The following RBFOX1 variants were observed in gnomAD, a reference collection of about 807,000 sequenced individuals.
RBFOX1 encodes the protein RNA binding protein fox-1 homolog 1.
RBFOX1 carries 8 observed loss-of-function variants against 57.7 expected under a neutral mutation model. The observed-to-expected ratio is 0.14, with a 90% CI of 0.08 to 0.25. The LOEUF (loss-of-function observed/expected upper bound fraction) is 0.25, where lower values mean the gene tolerates loss of function less well. Among genes scored for constraint, RBFOX1 ranks in the 10% least tolerant of loss-of-function variants. RBFOX1 has a pLI of 1.00. For synonymous variants in RBFOX1, 326 were observed against 222.4 expected (o/e 1.47, Z -4.15); for missense variants, 611 against 548.5 (o/e 1.11, Z -1.14).
intron 1 of RBFOX1, among the ~76,000 whole-genome samples, chr16:6,274,626 G>A (rs1427177254): frequency 2.0e-5 from 3 of 152,112 alleles, no homozygotes; most frequent in Admixed American, 6.5e-5. Flanking sequence ...CTGTATTAGC[G>A]CTATCATCAC....
intron 1 of RBFOX1, among the ~76,000 whole-genome samples, chr16:6,138,211 C>T (rs577012608): frequency 6.6e-6 from 1 of 152,168 alleles, no homozygotes; most frequent in Non-Finnish European, 1.5e-5. Context: ...GGGCCCCTGC[C>T]CAGCCACACC....
chr16:5,800,222 G>C (rs993326348), intron 3 of RBFOX1, among the ~76,000 whole-genome samples: 2 of 152,158 alleles, frequency 1.3e-5, no homozygotes, highest in African/African-American at 4.8e-5. Flanking sequence ...AGGGCCACAG[G>C]TGATGCTCTG....
At chr16:5,489,822 A>T (rs1179241590) in intron 2 of RBFOX1, among the ~76,000 whole-genome samples, 1 of 152,148 alleles carries the variant, frequency 6.6e-6, no homozygotes, top group Non-Finnish European at 1.5e-5. Context: ...CAGGGCTAGG[A>T]TGTGCATCTC....
At position 7,357,043 on chromosome 16, in the gene RBFOX1, G is replaced by T. The variant is rs574581131; in HGVS notation, c.28-161104G>T. On this transcript the variant is annotated intron_variant, in intron 4 of 15. Coordinates refer to ENST00000550418, the MANE Select transcript of RBFOX1 (RefSeq NM_018723.4). ...AAAGCTTTTGGGCTCAGGAATCCAG[G>T]GATCTATCTGCCTTGGAACATTCTG... Among the ~76,000 whole-genome samples the T allele has an allele frequency of 3.3e-5, 5 of 152,200 alleles. 2 individuals are homozygous for T. Among genetic ancestry groups the T allele is most frequent in the African/African-American group, 1.2e-4 (5 of 41,526 alleles).
At chr16:5,690,541 C>A (rs1272462241) in intron 3 of RBFOX1, among the ~76,000 whole-genome samples, 2 of 150,240 alleles carry the variant, frequency 1.3e-5, no homozygotes, top group Non-Finnish European at 3.0e-5. Context: ...ACAACACTCA[C>A]TTCTGTTGTG....
chr16:6,105,892 A>C (rs1227798808), intron 1 of RBFOX1, among the ~76,000 whole-genome samples: 1 of 152,076 alleles, frequency 6.6e-6, no homozygotes, highest in Non-Finnish European at 1.5e-5. Context: ...CATGTCATTA[A>C]ATATTCTTCA....
chr16:7,520,086 T>G (rs1335604741), intron 5 of RBFOX1, among the ~76,000 whole-genome samples: 1 of 152,094 alleles, frequency 6.6e-6, no homozygotes, highest in Non-Finnish European at 1.5e-5. Flanking sequence ...GGGATTTCAC[T>G]GTGTTATCCA....
At chr16:6,537,426 T>C (rs1008981503) in intron 2 of RBFOX1, among the ~76,000 whole-genome samples, 5 of 152,174 alleles carry the variant, frequency 3.3e-5, no homozygotes, top group African/African-American at 1.2e-4. Context: ...GAGCCATGCG[T>C]GTATTATTTA....
chr16:5,721,871 A>T (rs1045725023), intron 3 of RBFOX1, among the ~76,000 whole-genome samples: 5 of 152,250 alleles, frequency 3.3e-5, no homozygotes, highest in Non-Finnish European at 5.9e-5. Context: ...ACAGAGGACC[A>T]AGCACAAGAT....
At chr16:6,818,637 G>A (rs577641441) in intron 3 of RBFOX1, among the ~76,000 whole-genome samples, 2 of 152,210 alleles carry the variant, frequency 1.3e-5, no homozygotes, top group African/African-American at 4.8e-5. Flanking sequence ...GTGATGAATA[G>A]CTGCTATTAT....
chr16:7,600,990 G>T (rs1411746710), intron 9 of RBFOX1, among the ~76,000 whole-genome samples: 2 of 152,206 alleles, frequency 1.3e-5, no homozygotes, highest in Admixed American at 6.5e-5. Flanking sequence ...CCACACGGAG[G>T]AGTTGGGGTT....
intron 2 of RBFOX1, among the ~76,000 whole-genome samples, chr16:6,622,552 C>A: frequency 1.3e-5 from 2 of 152,148 alleles, no homozygotes; most frequent in Admixed American, 1.3e-4. Flanking sequence ...GATGAAATCA[C>A]CTAACGATGC....
At chr16:5,344,573 G>T (rs2065100008) in intron 1 of RBFOX1, among the ~76,000 whole-genome samples, 1 of 152,038 alleles carries the variant, frequency 6.6e-6, no homozygotes, top group Non-Finnish European at 1.5e-5. Flanking sequence ...ATACCCAAAA[G>T]GCCATTTTCC....
intron 3 of RBFOX1, among the ~76,000 whole-genome samples, chr16:6,716,339 C>G (rs959425404): frequency 9.8e-5 from 15 of 152,314 alleles, no homozygotes; most frequent in African/African-American, 3.6e-4. Flanking sequence ...GACCTTCCCT[C>G]TTGCTCCCTC....
chr16:6,601,720 C>T (rs375376434), intron 2 of RBFOX1, among the ~76,000 whole-genome samples: 15 of 152,056 alleles, frequency 9.9e-5, no homozygotes, highest in African/African-American at 3.1e-4. Context: ...GTCATTCTCC[C>T]GGGTATATTT....
At chr16:6,781,857 A>G (rs539766615) in intron 3 of RBFOX1, among the ~76,000 whole-genome samples, 1 of 152,164 alleles carries the variant, frequency 6.6e-6, no homozygotes, top group African/African-American at 2.4e-5. Flanking sequence ...TTATTTTCCA[A>G]AAACAAGTTT....
rs116528152 is a variant in RBFOX1 at position 7,138,701 on chromosome 16, C to G, written c.27+86603C>G. Among the ~76,000 whole-genome samples the G allele has an allele frequency of 6.1e-3, 927 of 152,276 alleles. 17 individuals are homozygous for G. The highest frequency in any genetic ancestry group is 0.022 in the African/African-American group (900 of 41,548). On this transcript the variant is annotated intron_variant, in intron 4 of 15. Coordinates refer to ENST00000550418, the MANE Select transcript of RBFOX1 (RefSeq NM_018723.4). ...CCTAATCATCTACCTTCATCATCTCCCAGATATATAGGCTGCATTTCTGCA... is the reference window on the plus strand; with the variant it reads ...CCTAATCATCTACCTTCATCATCTCGCAGATATATAGGCTGCATTTCTGCA...
chr16:6,198,030 A>G (rs1336464995), intron 1 of RBFOX1, among the ~76,000 whole-genome samples: 6 of 152,198 alleles, frequency 3.9e-5, no homozygotes, highest in African/African-American at 1.2e-4. Context: ...AATCTCTTTC[A>G]TAATAATGGC....
At chr16:6,112,948 T>A (rs2096461972) in intron 1 of RBFOX1, among the ~76,000 whole-genome samples, 1 of 152,180 alleles carries the variant, frequency 6.6e-6, no homozygotes, top group Non-Finnish European at 1.5e-5. Flanking sequence ...TTAACTTCAT[T>A]TGGGCCTAGA....
Sources: gnomAD v4.1 joint callset for allele counts (sites outside exome capture counted in the v4.1 genomes callset) on GRCh38, gnomAD v4.1.1 for gene constraint, MANE v1.5 for transcripts, NCBI Gene and HGNC (gene_info 2026-07-23, HGNC 2026-07-21) for gene names.